ZSCAN21: variants seen among roughly 807,000 people sequenced by gnomAD.
ZSCAN21 encodes zinc finger and SCAN domain-containing protein 21.
ZSCAN21 carries 26 observed loss-of-function variants against 35.6 expected under a neutral mutation model. The observed-to-expected ratio is 0.73, with a 90% CI of 0.54 to 1.01. ZSCAN21 has a LOEUF of 1.01. ZSCAN21 is among the 50% of genes least tolerant of loss of function. The pLI, the probability that ZSCAN21 is intolerant of heterozygous loss-of-function variation, is 0.00. For missense variants in ZSCAN21, 593 were observed against 587.1 expected, an observed-to-expected ratio of 1.01 and a Z score of -0.10; for synonymous variants, 219 against 219.3, an observed-to-expected ratio of 1.00 and a Z score of 0.01.
At chr7:100,058,043 A>C (rs1346598285) in intron 3 of ZSCAN21, among the ~76,000 whole-genome samples, 153 bp downstream of exon 3, 2 of 152,198 alleles carry the variant, frequency 1.3e-5, no homozygotes, top group African/African-American at 4.8e-5. Flanking sequence ...TCCTCCCCCA[A>C]GTAAGGCTGT....
chr7:100,064,739 G>A lies in ZSCAN21; in HGVS notation c.*122G>A. On this transcript the variant is annotated 3_prime_UTR_variant, in exon 4 of 4. Transcript: ENST00000292450. The stretch of plus-strand genomic sequence containing the variant: ...GAGTTTGTATCACTCAACATCAGGG[G>A]ATGCCTGAGGAGTGCGAGCTCCACA... 1.9e-6 allele frequency: 3 copies of A among 1,613,212 alleles called. No homozygotes were observed. Among genetic ancestry groups the A allele is most frequent in the Non-Finnish European group, 2.5e-6 (3 of 1,179,410 alleles).
At chr7:100,052,955 C>G (rs1680302201) in intron 1 of ZSCAN21, among the ~76,000 whole-genome samples, 1 of 151,740 alleles carries the variant, frequency 6.6e-6, no homozygotes, top group Admixed American at 6.6e-5. Context: ...ATGGTGAAAC[C>G]CCATCTCTAC....
At chr7:100,052,140 C>T (rs1791903179) in intron 1 of ZSCAN21, among the ~76,000 whole-genome samples, 1 of 151,994 alleles carries the variant, frequency 6.6e-6, no homozygotes. Flanking sequence ...ACCTGTAGTC[C>T]TGGCTACTTT....
intron 3 of ZSCAN21, among the ~76,000 whole-genome samples, chr7:100,063,092 C>T (rs1199491093): frequency 2.6e-5 from 4 of 152,116 alleles, no homozygotes; most frequent in Admixed American, 2.0e-4. Context: ...ATGGGGTCTC[C>T]CTATGTTGCC....
At chr7:100,060,632 TGAGGCAGGCG>T (rs377341721) in intron 3 of ZSCAN21, among the ~76,000 whole-genome samples, 118 of 151,314 alleles carry the variant, frequency 7.8e-4, no homozygotes, top group African/African-American at 2.7e-3. Context: ...TTCGGGAGGC[TGAGGCAGGCG>T]GATCACCTGA....
intron 1 of ZSCAN21, among the ~76,000 whole-genome samples, chr7:100,055,605 A>G (rs900503994): frequency 1.3e-5 from 2 of 149,108 alleles, no homozygotes; most frequent in African/African-American, 4.9e-5. Flanking sequence ...GACTCAGGTC[A>G]TACTGACAGG....
At position 100,057,440 on chromosome 7, in the gene ZSCAN21, T is replaced by A. The variant is rs763165161; in HGVS notation, c.399+35T>A. 12 of 1,510,826 alleles carry A rather than the reference T, an allele frequency of 7.9e-6. No individual in the cohort carries two copies. In the African/African-American group the frequency reaches 1.7e-4, roughly 21 times the overall value. 93.6% of individuals were successfully genotyped at this position (1,510,826 alleles called of 1,614,324 possible). A position where few individuals can be genotyped will look rare whatever the true frequency, so the allele number is the denominator to read the frequency against. ...AGAGACCTTTGTTATTCTAGGAGATTGGGAGCGTAACATTCTAGGCAGGAA... is the reference window on the plus strand; with the variant it reads ...AGAGACCTTTGTTATTCTAGGAGATAGGGAGCGTAACATTCTAGGCAGGAA... On this transcript the variant is annotated intron_variant, in intron 2 of 3. Coordinates refer to ENST00000292450, the MANE Select transcript of ZSCAN21 (RefSeq NM_145914.3).
In ZSCAN21 at chr7:100,064,641, C is replaced by A. The variant is rs767695046; in HGVS notation, c.*24C>A. ...AACTTTCAAGCGCTCCTGTTGTTGT[C>A]GTTGTTTTAAACTTTAGAATCTGAA... On this transcript the variant is annotated 3_prime_UTR_variant, in exon 4 of 4. Coordinates refer to ENST00000292450, the MANE Select transcript of ZSCAN21 (RefSeq NM_145914.3). 2 of 1,604,530 alleles carry A rather than the reference C, an allele frequency of 1.2e-6. No individual in the cohort carries two copies. Among genetic ancestry groups the A allele is most frequent in the Middle Eastern group, 1.7e-4 (1 of 5,996 alleles).
chr7:100,064,888 G>T lies in ZSCAN21; in HGVS notation c.*271G>T, dbSNP rs202042885. 2 of 1,613,722 alleles carry T rather than the reference G, an allele frequency of 1.2e-6. No homozygotes were observed. Among genetic ancestry groups the T allele is most frequent in the East Asian group, 4.5e-5 (2 of 44,836 alleles). ...AAGCCATGCCAGCATTACCTTTTGC[G>T]TAGTTAAACAGACGTGTATCCAGTC... On this transcript the variant is annotated 3_prime_UTR_variant, in exon 4 of 4. Transcript: ENST00000292450.
chr7:100,056,848 T>C (rs1220005537), intron 1 of ZSCAN21, 63 bp from the exon 2 acceptor site: 2 of 693,586 alleles, frequency 2.9e-6, no homozygotes, highest in Non-Finnish European at 4.8e-6. Flanking sequence ...GTTAAAGGTA[T>C]GGCTGTAAAG....
intron 3 of ZSCAN21, among the ~76,000 whole-genome samples, chr7:100,062,281 CTTTTTT>C (rs921079005): frequency 1.0e-5 from 1 of 96,648 alleles, no homozygotes; most frequent in Non-Finnish European, 2.2e-5. Flanking sequence ...CTCAACTGTT[CTTTTTT>C]TTTTTTTTTT....
intron 1 of ZSCAN21, 39 bp from the exon 2 acceptor site, chr7:100,056,872 T>G (rs1240963413): frequency 1.0e-6 from 1 of 974,426 alleles, no homozygotes; most frequent in African/African-American, 1.6e-5. Context: ...CAAAAACACT[T>G]TTCAGTTTGA....
At position 100,064,638 on chromosome 7, in the gene ZSCAN21, TGTC is replaced by T. The variant is rs749396757; in HGVS notation, c.*24_*26del. On this transcript the variant is annotated 3_prime_UTR_variant, in exon 4 of 4. Coordinates refer to ENST00000292450, the MANE Select transcript of ZSCAN21 (RefSeq NM_145914.3). ...CGTAACTTTCAAGCGCTCCTGTTGT[TGTC>T]GTTGTTTTAAACTTTAGAATCTGAA... The T allele has an allele frequency of 2.5e-6, 4 of 1,605,232 alleles. No individual in the cohort carries two copies. The highest frequency in any genetic ancestry group is 1.1e-5 in the South Asian group (1 of 90,204).
intron 3 of ZSCAN21, 147 bp downstream of exon 3, chr7:100,058,037 C>A: frequency 1.5e-6 from 1 of 668,274 alleles, no homozygotes; most frequent in Non-Finnish European, 2.3e-6. Flanking sequence ...CCCCTTTCCT[C>A]CCCCAAGTAA....
At position 100,057,888 on chromosome 7, in the gene ZSCAN21, G is replaced by C. The variant is rs199847575; in HGVS notation, c.590G>C (p.Arg197Pro). ...QEFAQDPRKV[R>P]DCRLSTQHEE... ...TTCGCTCAAGATCCAAGAAAGGTCC[G>C]AGGTGAGGACCACCCATTAGACTCC... is the stretch of plus-strand genomic sequence containing the variant. The change falls in exon 3 of 4, where the codon CGA (arginine) becomes CCA (proline). Residue 197 changes from arginine to proline, a missense_variant and splice_region_variant. Arg to Pro is a moderately radical substitution (Grantham distance 103). Coordinates refer to ENST00000292450, the MANE Select transcript of ZSCAN21 (RefSeq NM_145914.3). 6 of 1,602,104 alleles carry C rather than the reference G, an allele frequency of 3.7e-6. No individual in the cohort carries two copies. Among genetic ancestry groups the C allele is most frequent in the Non-Finnish European group, 4.3e-6 (5 of 1,173,708 alleles).
At chr7:100,063,095 A>G (rs1312592780) in intron 3 of ZSCAN21, among the ~76,000 whole-genome samples, 1 of 152,092 alleles carries the variant, frequency 6.6e-6, no homozygotes, top group Non-Finnish European at 1.5e-5. Context: ...GGGTCTCCCT[A>G]TGTTGCCCAA....
chr7:100,052,450 T>TA (rs111763077), intron 1 of ZSCAN21, among the ~76,000 whole-genome samples: 26 of 146,216 alleles, frequency 1.8e-4, no homozygotes, highest in Non-Finnish European at 2.6e-4. Flanking sequence ...AAAATTAAAT[T>TA]AAAAAAAAAA....
chr7:100,050,244 C>T (rs902869778), intron 1 of ZSCAN21, among the ~76,000 whole-genome samples: 1 of 152,066 alleles, frequency 6.6e-6, no homozygotes, highest in Non-Finnish European at 1.5e-5. Flanking sequence ...TGTTGGAAAC[C>T]TGTGGGAAGC....
rs1454801865 is a variant in ZSCAN21, at chr7:100,064,633, GT to G, written c.*18del. ...AGCACCGTAACTTTCAAGCGCTCCT[GT>G]TGTTGTCGTTGTTTTAAACTTTAGA... On this transcript the variant is annotated 3_prime_UTR_variant, in exon 4 of 4. Transcript: ENST00000292450. 1 of 1,604,784 alleles carries G rather than the reference GT, an allele frequency of 6.2e-7. No individual in the cohort carries two copies. Among genetic ancestry groups the G allele is most frequent in the Non-Finnish European group, 8.5e-7 (1 of 1,174,886 alleles).
Sources: gnomAD v4.1 joint callset for allele counts (sites outside exome capture counted in the v4.1 genomes callset) on GRCh38, gnomAD v4.1.1 for gene constraint, MANE v1.5 for transcripts, NCBI Gene and HGNC (gene_info 2026-07-23, HGNC 2026-07-21) for gene names.